SCFD2: variants seen among roughly 807,000 people sequenced by gnomAD.
SCFD2 encodes sec1 family domain containing 2, also known as sec1 family domain-containing protein 2.
In SCFD2, 54 loss-of-function variants were observed where a neutral mutation model predicts 58.9. That is an observed-to-expected ratio of 0.92 (90% CI 0.74 to 1.15). The LOEUF is 1.15. Among genes scored for constraint, SCFD2 ranks in the 50% most tolerant of loss-of-function variants. The pLI is 0.00. For missense variants in SCFD2, 805 were observed against 836.6 expected, an observed-to-expected ratio of 0.96 and a Z score of 0.47; for synonymous variants, 321 against 335.9, an observed-to-expected ratio of 0.96 and a Z score of 0.49.
chr4:52,875,157 G>A (rs1307049200), intron 8 of SCFD2, among the ~76,000 whole-genome samples: 2 of 152,158 alleles, frequency 1.3e-5, no homozygotes, highest in Non-Finnish European at 2.9e-5. Context: ...CAGTGCCCCC[G>A]TGCCTCCCTT....
intron 4 of SCFD2, among the ~76,000 whole-genome samples, chr4:53,243,179 A>T (rs13146978): frequency 0.98 from 148,566 of 152,272 alleles, 72,594 homozygotes; most frequent in Middle Eastern, 1. Flanking sequence ...CACATAATTA[A>T]CAGATTCTCC....
chr4:53,027,746 T>G (rs1263458749), intron 5 of SCFD2, among the ~76,000 whole-genome samples: 2 of 152,088 alleles, frequency 1.3e-5, no homozygotes, highest in Non-Finnish European at 2.9e-5. Flanking sequence ...GAGGATCGCT[T>G]GAGCCCAGGA....
chr4:53,249,952 G>A (rs937926555), intron 4 of SCFD2, among the ~76,000 whole-genome samples: 1 of 152,136 alleles, frequency 6.6e-6, no homozygotes, highest in Non-Finnish European at 1.5e-5. Flanking sequence ...ACATAACAAT[G>A]TCAACTTTAA....
chr4:53,207,325 A>C (rs1728437202), intron 4 of SCFD2, among the ~76,000 whole-genome samples: 1 of 149,136 alleles, frequency 6.7e-6, no homozygotes. Flanking sequence ...AAAAAAAAAA[A>C]AGGATGATGG....
At chr4:53,184,465 C>A (rs1727681438) in intron 4 of SCFD2, among the ~76,000 whole-genome samples, 1 of 152,070 alleles carries the variant, frequency 6.6e-6, no homozygotes, top group East Asian at 1.9e-4. Flanking sequence ...GACAGCAGAA[C>A]AACAGTAACT....
At chr4:53,291,088 A>G (rs1021427650) in intron 3 of SCFD2, among the ~76,000 whole-genome samples, 13 of 152,156 alleles carry the variant, frequency 8.5e-5, no homozygotes, top group Admixed American at 8.5e-4. Context: ...ACTTCCCAAC[A>G]TATTTTATAA....
At chr4:53,159,996 G>T (rs1577788566) in intron 4 of SCFD2, among the ~76,000 whole-genome samples, 1 of 152,314 alleles carries the variant, frequency 6.6e-6, no homozygotes. Flanking sequence ...GGTAGAAATG[G>T]TCTCCATGAG....
At chr4:53,275,769 A>G (rs1258168712) in intron 3 of SCFD2, among the ~76,000 whole-genome samples, 1 of 152,200 alleles carries the variant, frequency 6.6e-6, no homozygotes, top group Non-Finnish European at 1.5e-5. Context: ...CATAAATGGA[A>G]TCACATAGTA....
At chr4:53,003,153 C>A (rs1721901671) in intron 5 of SCFD2, among the ~76,000 whole-genome samples, 1 of 152,160 alleles carries the variant, frequency 6.6e-6, no homozygotes, top group African/African-American at 2.4e-5. Context: ...AGATCCAAAC[C>A]AGATCACCCA....
intron 6 of SCFD2, among the ~76,000 whole-genome samples, chr4:52,912,921 A>G (rs1241223767): frequency 6.6e-6 from 1 of 152,206 alleles, no homozygotes; most frequent in Non-Finnish European, 1.5e-5. Context: ...ATTCTCTCGC[A>G]TGCTAGGAAG....
In SCFD2 at chr4:53,344,208, T is replaced by A. The variant is rs1168799590; in HGVS notation, c.1007+8390A>T. On this transcript the variant is annotated intron_variant, in intron 2 of 8. Coordinates refer to ENST00000401642, the MANE Select transcript of SCFD2 (RefSeq NM_152540.4). ...TGTATATTTAGAAAACCCCATCATCTCAGCCCAAAATCTCCTTAAGCTGAT... is the reference window on the plus strand; with the variant it reads ...TGTATATTTAGAAAACCCCATCATCACAGCCCAAAATCTCCTTAAGCTGAT... 3.3e-5 allele frequency among the ~76,000 whole-genome samples: 5 copies of A among 152,136 alleles called. No homozygotes were observed. The South Asian group carries it at 1.0e-3, about 32-fold the overall frequency.
intron 4 of SCFD2, among the ~76,000 whole-genome samples, chr4:53,170,127 T>G (rs1230300523): frequency 6.6e-6 from 1 of 152,226 alleles, no homozygotes; most frequent in Admixed American, 6.5e-5. Flanking sequence ...TGGTTTTTCT[T>G]GCATGTTTTC....
intron 5 of SCFD2, among the ~76,000 whole-genome samples, chr4:53,107,804 T>C (rs925276213): frequency 1.3e-5 from 2 of 152,140 alleles, no homozygotes; most frequent in Non-Finnish European, 2.9e-5. Flanking sequence ...ACTGTCAATA[T>C]TAGACAGATG....
chr4:53,308,992 G>T (rs1021664613), intron 3 of SCFD2, among the ~76,000 whole-genome samples: 1 of 152,008 alleles, frequency 6.6e-6, no homozygotes, highest in African/African-American at 2.4e-5. Flanking sequence ...AATTAGCCGG[G>T]CATGGTGGCA....
At chr4:53,026,653 G>A (rs1469545753) in intron 5 of SCFD2, among the ~76,000 whole-genome samples, 1 of 152,220 alleles carries the variant, frequency 6.6e-6, no homozygotes, top group Non-Finnish European at 1.5e-5. Flanking sequence ...TTATCATCAT[G>A]TAGCGTTTTA....
In SCFD2 at chr4:53,207,054, C is replaced by T. The variant is rs147600429; in HGVS notation, c.1312-61472G>A. Among the ~76,000 whole-genome samples, 11 of 152,038 alleles carry T rather than the reference C, an allele frequency of 7.2e-5. No individual in the cohort carries two copies. The East Asian group carries it at 1.9e-3, about 27-fold the overall frequency. The stretch of plus-strand genomic sequence containing the variant: ...TGGCAGGTATGGCATGGCGAGAGGG[C>T]ATGAGAGCCTGTGCAAAAGAGAGGT... On this transcript the variant is annotated intron_variant, in intron 4 of 8. Coordinates refer to ENST00000401642, the MANE Select transcript of SCFD2 (RefSeq NM_152540.4).
intron 4 of SCFD2, among the ~76,000 whole-genome samples, chr4:53,239,998 A>ATT (rs1190641055): frequency 6.6e-6 from 1 of 152,220 alleles, no homozygotes; most frequent in Non-Finnish European, 1.5e-5. Context: ...TTCTCAGCAT[A>ATT]TTCAAGCAGT....
chr4:52,987,061 G>A (rs184283228), intron 5 of SCFD2, among the ~76,000 whole-genome samples: 6 of 151,670 alleles, frequency 4.0e-5, no homozygotes, highest in African/African-American at 1.5e-4. Context: ...ACGGAGTCTC[G>A]CTCCGTCGCC....
chr4:52,999,782 C>G (rs914656100), intron 5 of SCFD2, among the ~76,000 whole-genome samples: 2 of 152,220 alleles, frequency 1.3e-5, no homozygotes, highest in African/African-American at 4.8e-5. Flanking sequence ...AGAACACCAT[C>G]TGTTGCATTA....
Sources: gnomAD v4.1 joint callset for allele counts (sites outside exome capture counted in the v4.1 genomes callset) on GRCh38, gnomAD v4.1.1 for gene constraint, MANE v1.5 for transcripts, NCBI Gene and HGNC (gene_info 2026-07-23, HGNC 2026-07-21) for gene names.